The following LOC122526780 variants were observed in gnomAD, a reference collection of about 807,000 sequenced individuals.
chr17:6,640,164 G>A, the LOC122526780 span: 2 of 152,634 alleles, frequency 1.3e-5, no homozygotes, highest in Non-Finnish European at 2.9e-5. Context: ...TTGCTCCACG[G>A]CCTCGGGACG....
At chr17:6,639,742 G>A in the LOC122526780 span, 109 of 152,924 alleles carry the variant, frequency 7.1e-4, no homozygotes, top group African/African-American at 2.4e-3. This position sits in a 1 kb window ranked among gnomAD's most constrained non-coding sequence, Gnocchi z 4.3. Context: ...TGCAGGCACG[G>A]GATGGAGCTC....
At chr17:6,636,808 T>G in the LOC122526780 span, 1 of 145,268 alleles carries the variant, frequency 6.9e-6, no homozygotes, top group Non-Finnish European at 1.5e-5. Flanking sequence ...CAATCTAGCC[T>G]CCCCCACATA....
the LOC122526780 span, chr17:6,639,795 C>T: frequency 6.5e-6 from 1 of 152,754 alleles, no homozygotes; most frequent in Admixed American, 6.5e-5. The surrounding 1 kb of genome is among the most constrained non-coding windows in gnomAD (Gnocchi z 4.3). Flanking sequence ...CCCTCATAGC[C>T]TGCACCTTCA....
chr17:6,640,141 T>G, the LOC122526780 span: 1 of 152,748 alleles, frequency 6.5e-6, no homozygotes, highest in East Asian at 1.9e-4. Flanking sequence ...CTCCGAGGGC[T>G]TCGCCCGGCG....
chr17:6,639,312 G>C, the LOC122526780 span: 106,211 of 152,612 alleles, frequency 0.7, 37,868 homozygotes, highest in African/African-American at 0.87. This position sits in a 1 kb window ranked among gnomAD's most constrained non-coding sequence, Gnocchi z 4.3. Context: ...CTGCAGCACC[G>C]CCACAGCCGA....
At chr17:6,637,993 C>T in the LOC122526780 span, 1 of 152,658 alleles carries the variant, frequency 6.6e-6, no homozygotes, top group Non-Finnish European at 1.5e-5. Flanking sequence ...CTGTCTCTGT[C>T]CCCAGGGTCT....
At chr17:6,639,548 G>C in the LOC122526780 span, 1 of 152,942 alleles carries the variant, frequency 6.5e-6, no homozygotes, top group Non-Finnish European at 1.5e-5. This position sits in a 1 kb window ranked among gnomAD's most constrained non-coding sequence, Gnocchi z 4.3. Context: ...CTCCCAGCCT[G>C]TCCCTGTCCA....
At chr17:6,637,154 G>C in the LOC122526780 span, 1 of 152,472 alleles carries the variant, frequency 6.6e-6, no homozygotes, top group Non-Finnish European at 1.5e-5. Flanking sequence ...TGTCTCCTCA[G>C]CACGGTCAGA....
chr17:6,637,016 GACAGCT>G, the LOC122526780 span: 1 of 152,332 alleles, frequency 6.6e-6, no homozygotes, highest in Admixed American at 6.5e-5. Flanking sequence ...AAAGACCTTG[GACAGCT>G]CCATAACCTG....
At chr17:6,638,495 C>A in the LOC122526780 span, 3 of 155,178 alleles carry the variant, frequency 1.9e-5, no homozygotes, top group African/African-American at 7.2e-5. Context: ...GTCTCAGACA[C>A]CCCCACAGCC....
At chr17:6,640,257 A>C in the LOC122526780 span, 8 of 152,564 alleles carry the variant, frequency 5.2e-5, no homozygotes, top group Admixed American at 5.2e-4. Flanking sequence ...CCGGCATCTT[A>C]GCCGCCTGCT....
chr17:6,638,566 G>C, the LOC122526780 span: 1 of 154,716 alleles, frequency 6.5e-6, no homozygotes, highest in African/African-American at 2.4e-5. Flanking sequence ...CACTGACCCA[G>C]GGACCCCTAA....
At chr17:6,637,178 C>T in the LOC122526780 span, 1 of 152,468 alleles carries the variant, frequency 6.6e-6, no homozygotes, top group African/African-American at 2.4e-5. Flanking sequence ...GAGACACCCA[C>T]GTCCGCTTCT....
At chr17:6,638,369 C>A in the LOC122526780 span, 1 of 152,916 alleles carries the variant, frequency 6.5e-6, no homozygotes, top group African/African-American at 2.4e-5. Flanking sequence ...GACGCCCACA[C>A]AGCAGCAGGC....
the LOC122526780 span, chr17:6,640,136 A>G: frequency 3.3e-5 from 5 of 152,544 alleles, no homozygotes; most frequent in African/African-American, 1.2e-4. Context: ...TCCCACTCCG[A>G]GGGCTTCGCC....
the LOC122526780 span, chr17:6,639,813 G>A: frequency 6.5e-6 from 1 of 152,930 alleles, no homozygotes; most frequent in South Asian, 2.1e-4. This position sits in a 1 kb window ranked among gnomAD's most constrained non-coding sequence, Gnocchi z 4.3. Context: ...TCAGCCACAG[G>A]TGCAGAATGC....
At chr17:6,637,882 C>T in the LOC122526780 span, 1 of 152,992 alleles carries the variant, frequency 6.5e-6, no homozygotes, top group East Asian at 1.9e-4. Flanking sequence ...TTGCTGCCTC[C>T]CTGACAAGCC....
the LOC122526780 span, chr17:6,636,834 G>C: frequency 6.7e-6 from 1 of 150,000 alleles, no homozygotes; most frequent in African/African-American, 2.5e-5. Context: ...CTCCCAAATT[G>C]CTCCCTCTCA....
At chr17:6,637,170 G>C in the LOC122526780 span, 2 of 152,434 alleles carry the variant, frequency 1.3e-5, no homozygotes, top group African/African-American at 4.8e-5. Context: ...TCAGACCTGA[G>C]ACACCCACGT....
Sources: allele counts gnomAD v4.1 joint callset, GRCh38; gene constraint gnomAD v4.1.1; non-coding constraint Gnocchi (gnomAD v3.1); transcripts MANE v1.5.